Variants in SLC7A5 observed in about 807,000 individuals in gnomAD.
SLC7A5 encodes the protein large neutral amino acids transporter small subunit 1.
A neutral mutation model predicts 50.2 loss-of-function variants in SLC7A5; 23 were observed. That is an observed-to-expected ratio of 0.46 (90% CI 0.33 to 0.65). The LOEUF is 0.65. Among genes scored for constraint, SLC7A5 ranks in the 30% least tolerant of loss-of-function variants. The pLI is 0.02. For synonymous variants in SLC7A5, 393 were observed against 330.6 expected, an observed-to-expected ratio of 1.19 and a Z score of -2.05; for missense variants, 578 against 684.4, an observed-to-expected ratio of 0.84 and a Z score of 1.73.
In SLC7A5 at chr16:87,861,755, G is replaced by A. The variant is rs2055401439; in HGVS notation, c.538+7130C>T. ...GCACATTCTGCTGGATTATGAAAGAGGTCTGTGACCCAAGAAAAAAGGGTC... is the reference window on the plus strand; with the variant it reads ...GCACATTCTGCTGGATTATGAAAGAAGTCTGTGACCCAAGAAAAAAGGGTC... On this transcript the variant is annotated intron_variant, in intron 1 of 9. Transcript: ENST00000261622. This position sits in a 1 kb window ranked among gnomAD's most constrained non-coding sequence, Gnocchi z 4.2. Among the ~76,000 whole-genome samples, 1 of 152,206 alleles carries A rather than the reference G, an allele frequency of 6.6e-6. No homozygotes were observed.
chr16:87,832,895 G>A lies in SLC7A5; in HGVS notation c.*75C>T, dbSNP rs986286333. Reference sequence around the variant, plus strand: ...GCTGAGCTGTGGGTTGCGGGGAACCGGAGTGGGTTCGAGGAGGTGATCTAC... The same window carrying A: ...GCTGAGCTGTGGGTTGCGGGGAACCAGAGTGGGTTCGAGGAGGTGATCTAC... On this transcript the variant is annotated 3_prime_UTR_variant, in exon 10 of 10. Transcript: ENST00000261622. This position sits in a 1 kb window ranked among gnomAD's most constrained non-coding sequence, Gnocchi z 4.6. 26 of 1,222,648 alleles carry A rather than the reference G, an allele frequency of 2.1e-5. No individual in the cohort carries two copies. Among genetic ancestry groups the A allele is most frequent in the East Asian group, 1.2e-4 (5 of 42,824 alleles). The allele number at this position is 1,222,648 out of a possible 1,614,324, so 75.7% of individuals were successfully genotyped here. A position where few individuals can be genotyped will look rare whatever the true frequency, so the allele number is the denominator to read the frequency against.
chr16:87,851,859 CAG>C lies in SLC7A5; in HGVS notation c.539-12_539-11del. 1 of 1,612,744 alleles carries C rather than the reference CAG, an allele frequency of 6.2e-7. No homozygotes were observed. The highest frequency in any genetic ancestry group is 8.5e-7 in the Non-Finnish European group (1 of 1,179,952). On this transcript the variant is annotated splice_polypyrimidine_tract_variant and intron_variant, in intron 1 of 9. Coordinates refer to ENST00000261622, the MANE Select transcript of SLC7A5 (RefSeq NM_003486.7). ...ACGGCCGTGAGCAGCACTGTGGAGA[CAG>C]AGGGCAGCGGTGAGTTCCACGGGCA...
At chr16:87,849,487 C>T (rs2055193137) in intron 2 of SLC7A5, among the ~76,000 whole-genome samples, 1 of 152,208 alleles carries the variant, frequency 6.6e-6, no homozygotes, top group Admixed American at 6.5e-5. Flanking sequence ...TTTGCTCTCC[C>T]TACCGAAATT....
At chr16:87,847,814 G>A (rs1044750879) in intron 2 of SLC7A5, among the ~76,000 whole-genome samples, 1 of 152,194 alleles carries the variant, frequency 6.6e-6, no homozygotes, top group Non-Finnish European at 1.5e-5. Flanking sequence ...CCTACTAGCT[G>A]AAGAACCAAA....
chr16:87,840,974 G>A, intron 3 of SLC7A5, 76 bp downstream of exon 3: 2 of 1,005,040 alleles, frequency 2.0e-6, no homozygotes, highest in South Asian at 1.3e-5. Flanking sequence ...CTTGATGGCT[G>A]GGAGATTTGG....
Position 87,869,365 on chromosome 16 carries a change from C to T in SLC7A5, c.58G>A (p.Glu20Lys), listed in dbSNP as rs2143847668. ...GCCAGCATCTTCTCCCGCGCCTCTT[C>T]CTTCTCCTCGGCCGCCGGCGCCGCT... Reference protein sequence around the residue: ...ALAAPAAEEKEEAREKMLAAK... With the variant: ...ALAAPAAEEKKEAREKMLAAK... The change falls in exon 1 of 10, where the codon GAA (glutamate) becomes AAA (lysine). Residue 20 changes from glutamate to lysine, a missense_variant. Coordinates refer to ENST00000261622, the MANE Select transcript of SLC7A5 (RefSeq NM_003486.7). 1 of 1,606,510 alleles carries T rather than the reference C, an allele frequency of 6.2e-7. No individual in the cohort carries two copies.
At chr16:87,851,892 A>G (rs1365511567) in intron 1 of SLC7A5, 43 bp from the exon 2 acceptor site, 1 of 1,611,308 alleles carries the variant, frequency 6.2e-7, no homozygotes, top group Non-Finnish European at 8.5e-7. Flanking sequence ...GGGCAGACAG[A>G]CGCCAGCTCA....
chr16:87,867,867 G>A (rs1054837967), intron 1 of SLC7A5, among the ~76,000 whole-genome samples: 4 of 152,156 alleles, frequency 2.6e-5, no homozygotes, highest in African/African-American at 7.2e-5. Flanking sequence ...TGTAATCCCA[G>A]CACTTTGGGA....
Position 87,852,270 on chromosome 16 carries a change from C to A in SLC7A5, c.539-421G>T, listed in dbSNP as rs985513381. Among the ~76,000 whole-genome samples the A allele has an allele frequency of 6.6e-6, 1 of 152,190 alleles. No homozygotes were observed. The highest frequency in any genetic ancestry group is 6.5e-5 in the Admixed American group (1 of 15,284). On this transcript the variant is annotated intron_variant, in intron 1 of 9. Coordinates refer to ENST00000261622, the MANE Select transcript of SLC7A5 (RefSeq NM_003486.7). This position sits in a 1 kb window ranked among gnomAD's most constrained non-coding sequence, Gnocchi z 4.5. ...CACCCTGACCTGACTGTGAGACCCACGCACAGCCCGACTGCCGGACTCCAT... is the reference window on the plus strand; with the variant it reads ...CACCCTGACCTGACTGTGAGACCCAAGCACAGCCCGACTGCCGGACTCCAT...
chr16:87,844,528 G>A (rs1295276857), intron 2 of SLC7A5, among the ~76,000 whole-genome samples: 1 of 152,198 alleles, frequency 6.6e-6, no homozygotes, highest in African/African-American at 2.4e-5. Context: ...CCAAACGCAC[G>A]TGGGAACGGG....
rs920198143 is a variant in SLC7A5, at chr16:87,860,703, A to T, written c.538+8182T>A. The stretch of plus-strand genomic sequence containing the variant: ...AAGCAGCTCACACATACAGTGTCTC[A>T]GTAGTGACAGATGCTGGCCCACCCC... On this transcript the variant is annotated intron_variant, in intron 1 of 9. Transcript: ENST00000261622. The surrounding 1 kb of genome is among the most constrained non-coding windows in gnomAD (Gnocchi z 4.8). Among the ~76,000 whole-genome samples, 20 of 152,340 alleles carry T rather than the reference A, an allele frequency of 1.3e-4. No individual in the cohort carries two copies. The highest frequency in any genetic ancestry group is 3.4e-3 in the Middle Eastern group (1 of 294).
rs1390935226 is a variant in SLC7A5, at chr16:87,869,405, C to T, written c.18G>A (p.Pro6=). The T allele has an allele frequency of 3.3e-6, 5 of 1,495,734 alleles. No individual in the cohort carries two copies. The highest frequency in any genetic ancestry group is 4.4e-6 in the Non-Finnish European group (5 of 1,128,352). The allele number at this position is 1,495,734 out of a possible 1,614,324, so 92.7% of individuals were successfully genotyped here. Residue 6 remains proline, a synonymous_variant, in exon 1 of 10, where the codon CCG becomes CCA. Coordinates refer to ENST00000261622, the MANE Select transcript of SLC7A5 (RefSeq NM_003486.7). ...CCGGCGCCGCTAGCGCGCGCCGCTTCGGGCCCGCACCCGCCATGCTCTGCG... is the reference window on the plus strand; with the variant it reads ...CCGGCGCCGCTAGCGCGCGCCGCTTTGGGCCCGCACCCGCCATGCTCTGCG... MAGAG[P]KRRALAAPAA... is the part of the protein sequence containing the mutation.
intron 2 of SLC7A5, among the ~76,000 whole-genome samples, chr16:87,848,793 C>T (rs34609796): frequency 2.6e-5 from 4 of 152,368 alleles, no homozygotes; most frequent in African/African-American, 9.6e-5. Flanking sequence ...CCCATGAGCT[C>T]TGGATGCGGG....
intron 2 of SLC7A5, among the ~76,000 whole-genome samples, chr16:87,850,987 T>G (rs112684681): frequency 2.0e-5 from 3 of 152,152 alleles, no homozygotes; most frequent in African/African-American, 7.2e-5. Flanking sequence ...TCACACTCAC[T>G]CTCTTTATTC....
rs2055379299 is a variant in SLC7A5 at position 87,860,364 on chromosome 16, AC to A, written c.539-8516del. On this transcript the variant is annotated intron_variant, in intron 1 of 9. Transcript: ENST00000261622. The surrounding 1 kb of genome is among the most constrained non-coding windows in gnomAD (Gnocchi z 4.8). ...AATACACACACACACACACACACAC[AC>A]ACACACACACACACACACACACACA... Among the ~76,000 whole-genome samples the A allele has an allele frequency of 6.9e-6, 1 of 145,894 alleles. No individual in the cohort carries two copies.
rs2055007957 is a variant in SLC7A5 at position 87,836,661 on chromosome 16, G to A, written c.1141-14C>T. On this transcript the variant is annotated splice_polypyrimidine_tract_variant and intron_variant, in intron 7 of 9. Coordinates refer to ENST00000261622, the MANE Select transcript of SLC7A5 (RefSeq NM_003486.7). ...CGTCATCACACACTGGAAGAGAGAG[G>A]CGGCTGGCTGAGCCCTGGGGCCCAC... 7.5e-6 allele frequency: 12 copies of A among 1,610,446 alleles called. No homozygotes were observed. Among genetic ancestry groups the A allele is most frequent in the Non-Finnish European group, 1.0e-5 (12 of 1,179,948 alleles).
At chr16:87,835,389 G>A (rs756718792) in intron 8 of SLC7A5, among the ~76,000 whole-genome samples, 1 of 152,254 alleles carries the variant, frequency 6.6e-6, no homozygotes, top group African/African-American at 2.4e-5. Context: ...TGGCACAGCA[G>A]GCACAAGCTG....
chr16:87,840,947 AC>A (rs2055075883), intron 3 of SLC7A5, 102 bp downstream of exon 3: 1 of 727,800 alleles, frequency 1.4e-6, no homozygotes, highest in South Asian at 1.4e-5. Context: ...GGGGCAGTCC[AC>A]TCCCTTTAAC....
chr16:87,837,979 C>A (rs533516894), intron 6 of SLC7A5, 38 bp from the exon 7 acceptor site: 2 of 1,478,406 alleles, frequency 1.4e-6, no homozygotes, highest in Non-Finnish European at 9.3e-7. Context: ...AGCCACCGCC[C>A]CACAACTCAG....
Sources: allele counts gnomAD v4.1 joint callset (sites outside exome capture counted in the v4.1 genomes callset), GRCh38; gene constraint gnomAD v4.1.1; non-coding constraint Gnocchi (gnomAD v3.1); transcripts MANE v1.5; gene names NCBI Gene and HGNC (gene_info 2026-07-23, HGNC 2026-07-21).